The following QTGAL variants were observed in gnomAD, a reference collection of about 807,000 sequenced individuals.
QTGAL encodes the protein BGnT-like protein 1.
chr17:82,978,553 C>T, the QTGAL span: 3 of 152,194 alleles, frequency 2.0e-5, no homozygotes, highest in South Asian at 2.1e-4. The surrounding 1 kb of genome is among the most constrained non-coding windows in gnomAD (Gnocchi z 4.8). Context: ...TGAAGCATCC[C>T]GACCGTGAAC....
chr17:82,959,389 TGCA>T, the QTGAL span, among the ~76,000 whole-genome samples: 1 of 138,386 alleles, frequency 7.2e-6, no homozygotes, highest in South Asian at 2.4e-4. Context: ...AGTGAGCGTG[TGCA>T]GTGAGTACGT....
the QTGAL span, among the ~76,000 whole-genome samples, chr17:83,021,802 G>A: frequency 1.3e-5 from 2 of 152,298 alleles, no homozygotes; most frequent in African/African-American, 2.4e-5. Flanking sequence ...GCAGCTGCTA[G>A]AATAATCATG....
At chr17:83,006,901 A>C in the QTGAL span, 2 of 842,058 alleles carry the variant, frequency 2.4e-6, no homozygotes, top group Non-Finnish European at 2.9e-6. The surrounding 1 kb of genome is among the most constrained non-coding windows in gnomAD (Gnocchi z 5.8). Context: ...TTTTTACAGG[A>C]ACTTCCAAAC....
At chr17:83,048,620 C>T in the QTGAL span, 237 of 1,605,580 alleles carry the variant, frequency 1.5e-4, no homozygotes, top group Non-Finnish European at 1.4e-4. Context: ...GAACAGTCAA[C>T]CGTTGCTTAC....
chr17:83,019,159 G>A, the QTGAL span, among the ~76,000 whole-genome samples: 1 of 152,150 alleles, frequency 6.6e-6, no homozygotes, highest in Non-Finnish European at 1.5e-5. Context: ...TGTCTGTGCT[G>A]GCCCGGGGAT....
At chr17:82,994,889 G>A in the QTGAL span, among the ~76,000 whole-genome samples, 83 of 152,258 alleles carry the variant, frequency 5.5e-4, 1 homozygote, top group Admixed American at 3.9e-3. Context: ...TTCAACATAT[G>A]CAAATCAATT....
the QTGAL span, among the ~76,000 whole-genome samples, chr17:82,974,819 C>A: frequency 1.3e-5 from 2 of 152,222 alleles, no homozygotes; most frequent in Non-Finnish European, 1.5e-5. Context: ...AGTGTCTGCA[C>A]GGCGCAGACA....
the QTGAL span, among the ~76,000 whole-genome samples, chr17:83,024,703 G>C: frequency 3.3e-5 from 5 of 152,256 alleles, no homozygotes; most frequent in Non-Finnish European, 5.9e-5. Flanking sequence ...TCCTGGTGTG[G>C]GTCAGGCCTG....
At chr17:83,008,194 A>G in the QTGAL span, among the ~76,000 whole-genome samples, 1 of 151,982 alleles carries the variant, frequency 6.6e-6, no homozygotes, top group Non-Finnish European at 1.5e-5. Flanking sequence ...CCCAGTGAGC[A>G]GATGTGAATG....
the QTGAL span, among the ~76,000 whole-genome samples, chr17:82,998,536 G>A: frequency 4.9e-4 from 74 of 152,144 alleles, no homozygotes; most frequent in African/African-American, 1.7e-3. Flanking sequence ...TAGTAGAGAT[G>A]GGGTGTCACT....
chr17:82,956,921 G>T, the QTGAL span: 2 of 1,041,204 alleles, frequency 1.9e-6, no homozygotes, highest in Non-Finnish European at 2.9e-6. The surrounding 1 kb of genome is among the most constrained non-coding windows in gnomAD (Gnocchi z 5.7). Context: ...TGCGGCAGGT[G>T]TTCAGAGCAG....
the QTGAL span, among the ~76,000 whole-genome samples, chr17:82,995,016 C>G: frequency 1.3e-5 from 2 of 152,120 alleles, no homozygotes; most frequent in Non-Finnish European, 2.9e-5. Flanking sequence ...TCCTAAAAAG[C>G]AAGGTATAGA....
At chr17:82,990,839 C>T in the QTGAL span, among the ~76,000 whole-genome samples, 1 of 151,970 alleles carries the variant, frequency 6.6e-6, no homozygotes, top group Non-Finnish European at 1.5e-5. Context: ...ATAAGAGACA[C>T]CACAGAGCCT....
chr17:83,032,991 C>T, the QTGAL span, among the ~76,000 whole-genome samples: 6 of 152,210 alleles, frequency 3.9e-5, no homozygotes, highest in African/African-American at 7.2e-5. Flanking sequence ...CGGGCGGCTC[C>T]CGCGTAAATC....
chr17:83,018,370 C>T, the QTGAL span, among the ~76,000 whole-genome samples: 8 of 152,234 alleles, frequency 5.3e-5, no homozygotes, highest in African/African-American at 1.9e-4. Context: ...TGAACATGTA[C>T]AACGATCCCT....
the QTGAL span, among the ~76,000 whole-genome samples, chr17:82,960,132 G>A: frequency 2.0e-5 from 3 of 152,166 alleles, no homozygotes; most frequent in East Asian, 3.9e-4. Flanking sequence ...GCGCGGACGC[G>A]GGAGGCCCCA....
the QTGAL span, chr17:83,048,467 T>C: frequency 1.2e-6 from 2 of 1,600,396 alleles, no homozygotes; most frequent in South Asian, 1.1e-5. Context: ...GCATGTTTAC[T>C]TACCGCCTCT....
At chr17:83,049,270 C>G in the QTGAL span, 2 of 153,556 alleles carry the variant, frequency 1.3e-5, no homozygotes, top group African/African-American at 2.4e-5. Context: ...CAAAACAAAA[C>G]AAAACAAAAA....
chr17:82,992,138 T>C, the QTGAL span, among the ~76,000 whole-genome samples: 1 of 152,030 alleles, frequency 6.6e-6, no homozygotes, highest in African/African-American at 2.4e-5. Flanking sequence ...GGTAGAAAAT[T>C]TATTCAAAGG....
Sources: gnomAD v4.1 joint callset for allele counts (sites outside exome capture counted in the v4.1 genomes callset) on GRCh38, gnomAD v4.1.1 for gene constraint, Gnocchi (gnomAD v3.1) non-coding constraint, MANE v1.5 for transcripts, NCBI Gene and HGNC (gene_info 2026-07-23, HGNC 2026-07-21) for gene names.